Variants in CRELD1 observed in about 807,000 individuals in gnomAD.
The protein encoded by CRELD1 is protein disulfide isomerase CRELD1.
CRELD1 carries 42 observed loss-of-function variants against 58.2 expected under a neutral mutation model. The ratio of observed to expected loss-of-function variants is 0.72; its 90% CI spans 0.56 to 0.93. CRELD1 has a LOEUF of 0.93. CRELD1 is among the 40% of genes least tolerant of loss of function. CRELD1 has a pLI of 0.00. For synonymous variants in CRELD1, 222 were observed against 202.0 expected, an observed-to-expected ratio of 1.10 and a Z score of -0.84; for missense variants, 500 against 540.6, an observed-to-expected ratio of 0.92 and a Z score of 0.74.
chr3:9,941,966 TAA>T (rs1407739242), intron 7 of CRELD1, among the ~76,000 whole-genome samples: 3 of 151,712 alleles, frequency 2.0e-5, no homozygotes, highest in African/African-American at 7.3e-5. Context: ...GACTGTGGCT[TAA>T]AGAGTATAGA....
At chr3:9,943,004 C>T (rs916328885) in intron 8 of CRELD1, 73 bp from the exon 9 acceptor site, 2 of 1,545,492 alleles carry the variant, frequency 1.3e-6, no homozygotes, top group Admixed American at 1.7e-5. Flanking sequence ...CACCCCCAGG[C>T]CTCCGCTTCT....
At chr3:9,934,088 G>C in intron 1 of CRELD1, 168 bp downstream of exon 1, 1 of 374,668 alleles carries the variant, frequency 2.7e-6, no homozygotes, top group Non-Finnish European at 5.0e-6. Flanking sequence ...TCAGTACTTG[G>C]AATCTGATCT....
chr3:9,937,683 A>G lies in CRELD1; in HGVS notation c.368+11A>G. 2 of 1,579,586 alleles carry G rather than the reference A, an allele frequency of 1.3e-6. No individual in the cohort carries two copies. Among genetic ancestry groups the G allele is most frequent in the Non-Finnish European group, 1.7e-6 (2 of 1,156,960 alleles). ...CTGGTGGTTTCACAAGTGAGTGGCA[A>G]AGGGCCTTCCCTGGAAGTGGGTCAC... On this transcript the variant is annotated intron_variant, in intron 4 of 10. Coordinates refer to ENST00000452070, the MANE Select transcript of CRELD1 (RefSeq NM_001077415.3).
chr3:9,939,955 C>T (rs1316934447), intron 5 of CRELD1, among the ~76,000 whole-genome samples: 7 of 149,588 alleles, frequency 4.7e-5, no homozygotes, highest in Admixed American at 3.3e-4. Flanking sequence ...GCTGGCCGGG[C>T]GGGGGGCTGA....
rs533722374 is a variant in CRELD1, at chr3:9,942,258, C to T, written c.734-555C>T. 1.2e-4 allele frequency among the ~76,000 whole-genome samples: 18 copies of T among 145,786 alleles called. No individual in the cohort carries two copies. In the East Asian group the frequency reaches 2.2e-3, roughly 18 times the overall value. On this transcript the variant is annotated intron_variant, in intron 7 of 10. Coordinates refer to ENST00000452070, the MANE Select transcript of CRELD1 (RefSeq NM_001077415.3). Reference sequence around the variant, plus strand: ...TGCACTCTAGCCTGGGTGACAAGAGCGAAACTCCATCTCAAAAAAAAAAAA... The same window carrying T: ...TGCACTCTAGCCTGGGTGACAAGAGTGAAACTCCATCTCAAAAAAAAAAAA...
chr3:9,936,737 G>A (rs912556538), intron 3 of CRELD1, among the ~76,000 whole-genome samples: 1 of 151,800 alleles, frequency 6.6e-6, no homozygotes, highest in African/African-American at 2.4e-5. Context: ...CCCTTCCCTC[G>A]GCTCTTGGCA....
chr3:9,943,020 G>T (rs1023683410), intron 8 of CRELD1, 57 bp from the exon 9 acceptor site: 2 of 1,568,724 alleles, frequency 1.3e-6, no homozygotes, highest in Admixed American at 3.3e-5. Flanking sequence ...CTTCTGGAGC[G>T]TGGCTCCCCT....
At chr3:9,943,629 C>T in intron 10 of CRELD1, 114 bp downstream of exon 10, 1 of 1,585,152 alleles carries the variant, frequency 6.3e-7, no homozygotes, top group Admixed American at 1.7e-5. Flanking sequence ...TGCCACCCAG[C>T]CCCCTGGAGG....
chr3:9,941,317 G>A, intron 7 of CRELD1, 111 bp downstream of exon 7: 1 of 921,458 alleles, frequency 1.1e-6, no homozygotes, highest in Non-Finnish European at 1.6e-6. Flanking sequence ...CCTTCATGGA[G>A]ATCTCAACCT....
In CRELD1 at chr3:9,937,586, G is replaced by A. The variant is rs201308899; in HGVS notation, c.282G>A (p.Leu94=). ...KDSETRLVEV[L]EGVCSKSDFE... ...GTGAGACCCGCCTGGTAGAGGTGCT[G>A]GAGGGTGTGTGCAGCAAGTCAGACT... The change falls in exon 4 of 11, where the codon CTG becomes CTA. Residue 94 remains leucine, a synonymous_variant. Transcript: ENST00000452070. 38 of 1,612,198 alleles carry A rather than the reference G, an allele frequency of 2.4e-5. No homozygotes were observed. In the East Asian group the frequency reaches 5.4e-4, roughly 23 times the overall value.
intron 3 of CRELD1, chr3:9,936,024 C>T (rs554204615): frequency 6.6e-6 from 1 of 152,214 alleles, no homozygotes; most frequent in South Asian, 2.1e-4. Context: ...TAAAGAAAGG[C>T]ATGGGAAGGA....
At position 9,942,800 on chromosome 3, in the gene CRELD1, C is replaced by T. The variant is rs780716060; in HGVS notation, c.734-13C>T. 6.2e-7 allele frequency: 1 copy of T among 1,609,992 alleles called. No individual in the cohort carries two copies. Among genetic ancestry groups the T allele is most frequent in the Non-Finnish European group, 8.5e-7 (1 of 1,176,172 alleles). ...TAGGGATTGAAATTCTCACCCTGCTCACCTCTCTGCAGACATTGATGAGTG... is the reference window on the plus strand; with the variant it reads ...TAGGGATTGAAATTCTCACCCTGCTTACCTCTCTGCAGACATTGATGAGTG... On this transcript the variant is annotated splice_polypyrimidine_tract_variant and intron_variant, in intron 7 of 10. Coordinates refer to ENST00000452070, the MANE Select transcript of CRELD1 (RefSeq NM_001077415.3).
intron 5 of CRELD1, among the ~76,000 whole-genome samples, chr3:9,939,828 G>A (rs985489952): frequency 5.3e-5 from 8 of 152,126 alleles, no homozygotes; most frequent in African/African-American, 1.7e-4. Context: ...ATCCTGGCCC[G>A]TTCTCAATGA....
chr3:9,941,478 A>C (rs2085364394), intron 7 of CRELD1, among the ~76,000 whole-genome samples: 1 of 152,174 alleles, frequency 6.6e-6, no homozygotes, highest in Admixed American at 6.5e-5. Context: ...AGGAGGCGTT[A>C]CTTTGGCCAA....
intron 9 of CRELD1, 43 bp downstream of exon 9, chr3:9,943,215 C>T (rs758060687): frequency 2.5e-6 from 4 of 1,588,330 alleles, no homozygotes; most frequent in Middle Eastern, 1.7e-4. Flanking sequence ...GGGAGTGCCT[C>T]ACCCAGCATG....
intron 6 of CRELD1, 23 bp from the exon 7 acceptor site, chr3:9,941,088 C>T: frequency 6.2e-7 from 1 of 1,614,154 alleles, no homozygotes; most frequent in Non-Finnish European, 8.5e-7. Context: ...TGCCCATCCT[C>T]ATGCTGCCCC....
chr3:9,943,030 T>A, intron 8 of CRELD1, 47 bp from the exon 9 acceptor site: 1 of 1,588,590 alleles, frequency 6.3e-7, no homozygotes, highest in South Asian at 1.1e-5. Context: ...GTGGCTCCCC[T>A]GGGCCTAGGT....
In CRELD1 at chr3:9,934,581, C is replaced by G. The variant is rs1356973631; in HGVS notation, c.143C>G (p.Thr48Ser). The stretch of plus-strand genomic sequence containing the variant: ...CCGCCTCAGCCCCATCCGTGTCATA[C>G]CTGCCGGGGACTGGTTGACAGCTTT... Reference protein sequence around the residue: ...SPPPQPHPCHTCRGLVDSFNK... With the variant: ...SPPPQPHPCHSCRGLVDSFNK... Residue 48 changes from threonine (T) to serine (S), a missense_variant, in exon 2 of 11, where the codon ACC becomes AGC. Coordinates refer to ENST00000452070, the MANE Select transcript of CRELD1 (RefSeq NM_001077415.3). 3 of 1,614,034 alleles carry G rather than the reference C, an allele frequency of 1.9e-6. No homozygotes were observed. Among genetic ancestry groups the G allele is most frequent in the Non-Finnish European group, 2.5e-6 (3 of 1,179,926 alleles).
At position 9,938,093 on chromosome 3, in the gene CRELD1, G is replaced by A. The variant is rs377654613; in HGVS notation, c.447G>A (p.Gly149=). ...LKLCCPAGTF[G]PSCLPCPGGT... ...TCTGCTGCCCCGCAGGCACCTTCGG[G>A]CCCTCCTGCCTTCGTGAGTTTTTAA... Residue 149 remains glycine (G), a synonymous_variant, in exon 5 of 11, where the codon GGG becomes GGA. Transcript: ENST00000452070. The A allele has an allele frequency of 1.9e-6, 3 of 1,613,550 alleles. No individual in the cohort carries two copies. The highest frequency in any genetic ancestry group is 1.3e-5 in the African/African-American group (1 of 74,924).
Sources: gnomAD v4.1 joint callset for allele counts (sites outside exome capture counted in the v4.1 genomes callset) on GRCh38, gnomAD v4.1.1 for gene constraint, MANE v1.5 for transcripts, NCBI Gene and HGNC (gene_info 2026-07-23, HGNC 2026-07-21) for gene names.